The following CASZ1 variants were observed in gnomAD, a reference collection of about 807,000 sequenced individuals.
CASZ1 encodes the protein zinc finger protein castor homolog 1.
CASZ1 carries 28 observed loss-of-function variants against 135.2 expected under a neutral mutation model. The ratio of observed to expected loss-of-function variants is 0.21; its 90% CI spans 0.15 to 0.28. The LOEUF is 0.28. Ranked by LOEUF, CASZ1 falls within the 10% of genes least tolerant of loss-of-function variation. The pLI is 1.00. For synonymous variants in CASZ1, 1,068 were observed against 1,073.4 expected (o/e 0.99, Z 0.10); for missense variants, 2,161 against 2,453.3 (o/e 0.88, Z 2.52).
rs148414236 is a variant in CASZ1, at chr1:10,657,470, G to T, written c.1410-734C>A. Among the ~76,000 whole-genome samples the T allele has an allele frequency of 4.7e-4, 71 of 152,340 alleles. No individual in the cohort carries two copies. The highest frequency in any genetic ancestry group is 1.7e-3 in the African/African-American group (69 of 41,584). On this transcript the variant is annotated intron_variant, in intron 7 of 20. Transcript: ENST00000377022. This position sits in a 1 kb window ranked among gnomAD's most constrained non-coding sequence, Gnocchi z 5.7. ...CTGAAGTGAGATTGCAGGAGACACAGAGAGAAACCCCATACTGTAATGGGA... is the reference window on the plus strand; with the variant it reads ...CTGAAGTGAGATTGCAGGAGACACATAGAGAAACCCCATACTGTAATGGGA...
Position 10,707,870 on chromosome 1 carries a change from G to A in CASZ1, c.-76-2326C>T, listed in dbSNP as rs1639208994. Among the ~76,000 whole-genome samples the A allele has an allele frequency of 6.6e-6, 1 of 152,156 alleles. No homozygotes were observed. The highest frequency in any genetic ancestry group is 2.4e-5 in the African/African-American group (1 of 41,424). On this transcript the variant is annotated intron_variant, in intron 2 of 20. Coordinates refer to ENST00000377022, the MANE Select transcript of CASZ1 (RefSeq NM_001079843.3). This position sits in a 1 kb window ranked among gnomAD's most constrained non-coding sequence, Gnocchi z 5.0. The stretch of plus-strand genomic sequence containing the variant: ...CGTAGTTAAGGAAGGATTCTCCAAG[G>A]CCGGGGGAGAGGCACAGTACTGGGA...
At chr1:10,668,167 G>C (rs969011693) in intron 4 of CASZ1, among the ~76,000 whole-genome samples, 1 of 152,130 alleles carries the variant, frequency 6.6e-6, no homozygotes, top group Non-Finnish European at 1.5e-5. Flanking sequence ...TGGGCGGCGG[G>C]AACAGGGGTG....
rs572051928 is a variant in CASZ1, at chr1:10,767,080, C to T, written c.-233-6223G>A. 5.3e-5 allele frequency among the ~76,000 whole-genome samples: 8 copies of T among 152,306 alleles called. No homozygotes were observed. The highest frequency in any genetic ancestry group is 3.9e-4 in the East Asian group (2 of 5,188). Reference sequence around the variant, plus strand: ...TCAGAAGGAAAACAGAAATCCTCTGCGCCCGTTGACTGCTGATGGAAGGAA... The same window carrying T: ...TCAGAAGGAAAACAGAAATCCTCTGTGCCCGTTGACTGCTGATGGAAGGAA... On this transcript the variant is annotated intron_variant, in intron 1 of 20. Coordinates refer to ENST00000377022, the MANE Select transcript of CASZ1 (RefSeq NM_001079843.3). This position sits in a 1 kb window ranked among gnomAD's most constrained non-coding sequence, Gnocchi z 4.2.
chr1:10,748,157 C>G (rs1213131294), intron 2 of CASZ1, among the ~76,000 whole-genome samples: 1 of 152,194 alleles, frequency 6.6e-6, no homozygotes, highest in Non-Finnish European at 1.5e-5. Context: ...TCCAACTCCC[C>G]TTCTAAGCCT....
rs1047808258 is a variant in CASZ1 at position 10,699,968 on chromosome 1, C to CAG, written c.-24+5522_-24+5523dup. Among the ~76,000 whole-genome samples the CAG allele has an allele frequency of 6.6e-6, 1 of 150,420 alleles. No homozygotes were observed. The highest frequency in any genetic ancestry group is 1.5e-5 in the Non-Finnish European group (1 of 67,552). On this transcript the variant is annotated intron_variant, in intron 3 of 20. Coordinates refer to ENST00000377022, the MANE Select transcript of CASZ1 (RefSeq NM_001079843.3). The surrounding 1 kb of genome is among the most constrained non-coding windows in gnomAD (Gnocchi z 4.6). The stretch of plus-strand genomic sequence containing the variant: ...AGAAGAAACAGAAGAGAAGCAGAGA[C>CAG]AGAGAGAGAGAAAGAGAGACAGGCA...
chr1:10,733,573 G>T (rs1639741981), intron 2 of CASZ1, among the ~76,000 whole-genome samples: 1 of 152,198 alleles, frequency 6.6e-6, no homozygotes, highest in African/African-American at 2.4e-5. Context: ...GAGCAGAGAA[G>T]TTACCGGGCA....
chr1:10,741,347 G>A lies in CASZ1; in HGVS notation c.-77+19354C>T, dbSNP rs182878859. Among the ~76,000 whole-genome samples, 2 of 152,174 alleles carry A rather than the reference G, an allele frequency of 1.3e-5. No homozygotes were observed. The highest frequency in any genetic ancestry group is 4.8e-5 in the African/African-American group (2 of 41,434). ...TCAAAGAGGAAAACAGCAAAGCAAA[G>A]CCTGGAAAAGAGCCACCAGCAGTTG... On this transcript the variant is annotated intron_variant, in intron 2 of 20. Transcript: ENST00000377022. This position sits in a 1 kb window ranked among gnomAD's most constrained non-coding sequence, Gnocchi z 5.0.
At chr1:10,663,976 C>G (rs554413971) in intron 5 of CASZ1, among the ~76,000 whole-genome samples, 10 of 152,348 alleles carry the variant, frequency 6.6e-5, no homozygotes, top group Non-Finnish European at 1.5e-4. Context: ...CCTCTCCTCT[C>G]CTCTCCTCAG....
chr1:10,772,358 C>T (rs1339255834), intron 1 of CASZ1, among the ~76,000 whole-genome samples: 1 of 152,206 alleles, frequency 6.6e-6, no homozygotes, highest in South Asian at 2.1e-4. Flanking sequence ...GTCTAGAGTT[C>T]TGCTCCTTCC....
Position 10,689,757 on chromosome 1 carries a change from C to T in CASZ1, c.16+4117G>A, listed in dbSNP as rs144062429. Among the ~76,000 whole-genome samples the T allele has an allele frequency of 3.1e-3, 469 of 152,336 alleles. 4 individuals carry two copies. The highest frequency in any genetic ancestry group is 0.011 in the African/African-American group (450 of 41,560). Reference sequence around the variant, plus strand: ...GGTCCAAATAATGTGCTCCTCACCTCGTCCACTCACCCCCTACTCCCACCC... The same window carrying T: ...GGTCCAAATAATGTGCTCCTCACCTTGTCCACTCACCCCCTACTCCCACCC... On this transcript the variant is annotated intron_variant, in intron 4 of 20. Coordinates refer to ENST00000377022, the MANE Select transcript of CASZ1 (RefSeq NM_001079843.3).
chr1:10,767,687 A>G lies in CASZ1; in HGVS notation c.-233-6830T>C, dbSNP rs1640501614. ...ATTTAATGTTCTCTATAATTCATCC[A>G]TCGCAGAAGATAATCGATAGAGCCC... On this transcript the variant is annotated intron_variant, in intron 1 of 20. Coordinates refer to ENST00000377022, the MANE Select transcript of CASZ1 (RefSeq NM_001079843.3). The surrounding 1 kb of genome is among the most constrained non-coding windows in gnomAD (Gnocchi z 4.2). 6.6e-6 allele frequency among the ~76,000 whole-genome samples: 1 copy of G among 152,194 alleles called. No homozygotes were observed. The highest frequency in any genetic ancestry group is 2.4e-5 in the African/African-American group (1 of 41,452).
intron 2 of CASZ1, among the ~76,000 whole-genome samples, chr1:10,754,066 T>C (rs947746491): frequency 6.6e-6 from 1 of 152,168 alleles, no homozygotes; most frequent in African/African-American, 2.4e-5. Context: ...ACACCTGCTA[T>C]GAATGCTCTT....
At chr1:10,678,268 A>T (rs1638300067) in intron 4 of CASZ1, among the ~76,000 whole-genome samples, 1 of 152,158 alleles carries the variant, frequency 6.6e-6, no homozygotes, top group Non-Finnish European at 1.5e-5. Flanking sequence ...ACATGAGGGG[A>T]CTAATTTAGG....
intron 4 of CASZ1, among the ~76,000 whole-genome samples, chr1:10,669,054 T>C (rs1158664316): frequency 6.6e-6 from 1 of 152,172 alleles, no homozygotes; most frequent in Non-Finnish European, 1.5e-5. Flanking sequence ...TCCCCGCAGG[T>C]CTCTGAGCTG....
intron 4 of CASZ1, among the ~76,000 whole-genome samples, chr1:10,690,403 C>A (rs114114793): frequency 3.0e-4 from 46 of 152,308 alleles, no homozygotes; most frequent in African/African-American, 1.1e-3. Context: ...AAGAAGTCTG[C>A]GGCCTACCTC....
intron 4 of CASZ1, among the ~76,000 whole-genome samples, chr1:10,692,982 T>C (rs1372983763): frequency 6.6e-6 from 1 of 152,304 alleles, no homozygotes; most frequent in Admixed American, 6.5e-5. Flanking sequence ...GGTCAAAATT[T>C]GGTTTCAATA....
chr1:10,753,806 G>A (rs1313276719), intron 2 of CASZ1, among the ~76,000 whole-genome samples: 8 of 152,180 alleles, frequency 5.3e-5, no homozygotes, highest in African/African-American at 1.4e-4. Context: ...TGTGAGAGGC[G>A]GAGTCGGTGA....
intron 2 of CASZ1, among the ~76,000 whole-genome samples, chr1:10,743,110 A>G (rs1454386003): frequency 3.3e-5 from 5 of 152,080 alleles, no homozygotes; most frequent in African/African-American, 9.7e-5. Flanking sequence ...TTTTCCCCAA[A>G]TAGGAGTCCC....
chr1:10,756,314 G>A lies in CASZ1; in HGVS notation c.-77+4387C>T, dbSNP rs1307065080. On this transcript the variant is annotated intron_variant, in intron 2 of 20. Coordinates refer to ENST00000377022, the MANE Select transcript of CASZ1 (RefSeq NM_001079843.3). The surrounding 1 kb of genome is among the most constrained non-coding windows in gnomAD (Gnocchi z 5.9). ...CATCCCCGATGCACCCCCCACCCTC[G>A]CCCCCGCAAGACATCACCGGCCCTC... is the stretch of plus-strand genomic sequence containing the variant. Among the ~76,000 whole-genome samples the A allele has an allele frequency of 1.3e-5, 2 of 150,768 alleles. No individual in the cohort carries two copies. Among genetic ancestry groups the A allele is most frequent in the Non-Finnish European group, 1.5e-5 (1 of 67,692 alleles).
Sources: gnomAD v4.1 joint callset for allele counts (sites outside exome capture counted in the v4.1 genomes callset) on GRCh38, gnomAD v4.1.1 for gene constraint, Gnocchi (gnomAD v3.1) non-coding constraint, MANE v1.5 for transcripts, NCBI Gene and HGNC (gene_info 2026-07-23, HGNC 2026-07-21) for gene names.